Variants in PTCHD4 observed in about 807,000 individuals in gnomAD.
PTCHD4 encodes the protein patched domain-containing protein 4.
PTCHD4 carries 33 observed loss-of-function variants against 58.1 expected under a neutral mutation model. That is an observed-to-expected ratio of 0.57 (90% CI 0.43 to 0.76). PTCHD4 has a LOEUF of 0.76. Among genes scored for constraint, PTCHD4 ranks in the 30% least tolerant of loss-of-function variants. The pLI is 0.00. For missense variants in PTCHD4, 1,058 were observed against 1,027.1 expected, an observed-to-expected ratio of 1.03 and a Z score of -0.41; for synonymous variants, 478 against 409.6, an observed-to-expected ratio of 1.17 and a Z score of -2.02.
intron 4 of PTCHD4, among the ~76,000 whole-genome samples, chr6:47,985,047 C>A (rs1768010054): frequency 6.6e-6 from 1 of 152,014 alleles, no homozygotes; most frequent in East Asian, 1.9e-4. Context: ...TATGACCATT[C>A]CAACAAATTT....
chr6:47,951,250 C>G (rs1245471624), intron 4 of PTCHD4, among the ~76,000 whole-genome samples: 2 of 152,070 alleles, frequency 1.3e-5, no homozygotes, highest in Non-Finnish European at 2.9e-5. Context: ...AGTAGTAGCT[C>G]ATTACTTCAG....
chr6:47,947,591 A>T (rs1200463374), intron 4 of PTCHD4, among the ~76,000 whole-genome samples: 2 of 152,172 alleles, frequency 1.3e-5, no homozygotes, highest in East Asian at 3.9e-4. Context: ...AGTGTTATAT[A>T]CTTCAGTGCA....
At position 47,864,315 on chromosome 6, in the gene PTCHD4, T is replaced by TACAC. The variant is rs57323341; in HGVS notation, c.*13984_*13987dup. ...GCCCATTATTTTTGAGATATATATA[T>TACAC]ACACACACACACACATATATATATA... On this transcript the variant is annotated 3_prime_UTR_variant, in exon 5 of 5. Coordinates refer to ENST00000339488, the MANE Select transcript of PTCHD4 (RefSeq NM_001384253.1). Among the ~76,000 whole-genome samples, 1 of 148,786 alleles carries TACAC rather than the reference T, an allele frequency of 6.7e-6. No homozygotes were observed. Among genetic ancestry groups the TACAC allele is most frequent in the African/African-American group, 2.5e-5 (1 of 40,622 alleles).
intron 4 of PTCHD4, among the ~76,000 whole-genome samples, chr6:47,933,718 T>C (rs1765906039): frequency 6.6e-6 from 1 of 152,150 alleles, no homozygotes; most frequent in South Asian, 2.1e-4. Context: ...TCATGAGTAC[T>C]AGTTATTTAT....
intron 3 of PTCHD4, among the ~76,000 whole-genome samples, chr6:48,059,861 T>C (rs1198700984): frequency 6.6e-6 from 1 of 152,192 alleles, no homozygotes; most frequent in African/African-American, 2.4e-5. Flanking sequence ...TATTCTTTAT[T>C]GTCTCTACCA....
chr6:47,930,037 T>C (rs545669436), intron 4 of PTCHD4, among the ~76,000 whole-genome samples: 61 of 152,306 alleles, frequency 4.0e-4, no homozygotes, highest in African/African-American at 1.3e-3. Flanking sequence ...CTCAAGCTTG[T>C]TTTGACTAGT....
intron 4 of PTCHD4, among the ~76,000 whole-genome samples, chr6:48,003,245 T>C (rs1021312571): frequency 5.3e-5 from 8 of 152,222 alleles, no homozygotes; most frequent in Admixed American, 2.6e-4. Context: ...TCAGCTCTAA[T>C]TTACATATTT....
intron 3 of PTCHD4, among the ~76,000 whole-genome samples, chr6:48,057,835 G>A (rs1208664221): frequency 6.6e-6 from 1 of 152,158 alleles, no homozygotes; most frequent in Non-Finnish European, 1.5e-5. Context: ...TCCTGAAATG[G>A]GAAGTGCTTG....
intron 4 of PTCHD4, among the ~76,000 whole-genome samples, chr6:47,978,661 G>T (rs966939755): frequency 2.0e-5 from 3 of 152,046 alleles, no homozygotes; most frequent in African/African-American, 7.2e-5. Context: ...CATTTATTCT[G>T]CACAATAACT....
chr6:48,098,587 C>T (rs962809035), intron 1 of PTCHD4, among the ~76,000 whole-genome samples: 1 of 152,194 alleles, frequency 6.6e-6, no homozygotes, highest in Admixed American at 6.5e-5. Flanking sequence ...GATCCACTCA[C>T]CTGAGCCTCC....
At chr6:47,966,410 T>C (rs1767298381) in intron 4 of PTCHD4, among the ~76,000 whole-genome samples, 1 of 152,246 alleles carries the variant, frequency 6.6e-6, no homozygotes, top group Admixed American at 6.5e-5. Flanking sequence ...TATAATCTCT[T>C]TGCTGGTGAA....
At chr6:48,032,837 C>T (rs968464506) in intron 3 of PTCHD4, among the ~76,000 whole-genome samples, 7 of 152,110 alleles carry the variant, frequency 4.6e-5, no homozygotes, top group African/African-American at 1.7e-4. Context: ...TTCTGAATCA[C>T]TCCAATGACA....
rs149135724 is a variant in PTCHD4, at chr6:48,005,311, G to C, written c.898+3323C>G. 8.3e-3 allele frequency among the ~76,000 whole-genome samples: 1,261 copies of C among 152,278 alleles called. 13 individuals are homozygous for C. The highest frequency in any genetic ancestry group is 0.013 in the Non-Finnish European group (913 of 68,016). ...ATACTGATAAGCATGAATGGTTTGA[G>C]TATTGACACATAATGGAGTAAATAA... is the stretch of plus-strand genomic sequence containing the variant. On this transcript the variant is annotated intron_variant, in intron 4 of 4. Coordinates refer to ENST00000339488, the MANE Select transcript of PTCHD4 (RefSeq NM_001384253.1).
Position 47,878,270 on chromosome 6 carries a change from G to A in PTCHD4, c.*33C>T. The A allele has an allele frequency of 2.0e-6, 3 of 1,531,488 alleles. No individual in the cohort carries two copies. In the African/African-American group the frequency reaches 4.2e-5, roughly 21 times the overall value. The allele number at this position is 1,531,488 out of a possible 1,614,324, so 94.9% of individuals were successfully genotyped here. On this transcript the variant is annotated 3_prime_UTR_variant, in exon 5 of 5. Coordinates refer to ENST00000339488, the MANE Select transcript of PTCHD4 (RefSeq NM_001384253.1). ...TTGCCCTGCATCATTGTGCAATACT[G>A]GAAAAGAAAAATAATCCACTGGTCT... is the stretch of plus-strand genomic sequence containing the variant.
intron 1 of PTCHD4, among the ~76,000 whole-genome samples, chr6:48,103,324 C>G (rs1412489752): frequency 2.6e-5 from 4 of 152,234 alleles, no homozygotes; most frequent in Non-Finnish European, 5.9e-5. Context: ...GCTACTGCTG[C>G]TGATACCCAG....
At chr6:47,975,962 C>T (rs1431158618) in intron 4 of PTCHD4, among the ~76,000 whole-genome samples, 2 of 152,218 alleles carry the variant, frequency 1.3e-5, no homozygotes, top group Admixed American at 6.5e-5. Flanking sequence ...CATTTCAGCT[C>T]TCAGATGTTT....
intron 4 of PTCHD4, among the ~76,000 whole-genome samples, chr6:47,897,606 T>C (rs1764564123): frequency 1.3e-5 from 2 of 152,206 alleles, no homozygotes; most frequent in African/African-American, 2.4e-5. Context: ...ATCTAGATTT[T>C]GGATTTGTTA....
chr6:48,109,359 T>G (rs1213864447), intron 1 of PTCHD4, among the ~76,000 whole-genome samples: 3 of 152,118 alleles, frequency 2.0e-5, no homozygotes. Context: ...CAAATTAAAT[T>G]TCTTACTGTA....
chr6:47,989,434 C>T (rs970221877), intron 4 of PTCHD4, among the ~76,000 whole-genome samples: 8 of 152,204 alleles, frequency 5.3e-5, no homozygotes, highest in African/African-American at 9.6e-5. Context: ...AGGTCTTCAA[C>T]GTAGCCTTTC....
Sources: gnomAD v4.1 joint callset for allele counts (sites outside exome capture counted in the v4.1 genomes callset) on GRCh38, gnomAD v4.1.1 for gene constraint, MANE v1.5 for transcripts, NCBI Gene and HGNC (gene_info 2026-07-23, HGNC 2026-07-21) for gene names.